The following GALNT18 variants were observed in gnomAD, a reference collection of about 807,000 sequenced individuals.
GALNT18 encodes GalNAc-transferase 18.
GALNT18 carries 44 observed loss-of-function variants against 69.5 expected under a neutral mutation model. The ratio of observed to expected loss-of-function variants is 0.63; its 90% confidence interval spans 0.50 to 0.81. The LOEUF (loss-of-function observed/expected upper bound fraction) is 0.81. GALNT18 is among the 40% of genes least tolerant of loss of function. The pLI, the probability that GALNT18 is intolerant of heterozygous loss-of-function variation, is 0.00. For synonymous variants in GALNT18, 364 were observed against 318.2 expected (o/e 1.14, Z -1.53); for missense variants, 715 against 810.0 (o/e 0.88, Z 1.42).
At position 11,596,077 on chromosome 11, in the gene GALNT18, G is replaced by A. The variant is rs1432676184; in HGVS notation, c.235+25282C>T. On this transcript the variant is annotated intron_variant, in intron 1 of 10. Transcript: ENST00000227756. This position sits in a 1 kb window ranked among gnomAD's most constrained non-coding sequence, Gnocchi z 4.2. Reference sequence around the variant, plus strand: ...TAGTTTTTGTGGATAGAGTGAGATGGGGGACAACTTTATTCTTAACATGTA... The same window carrying A: ...TAGTTTTTGTGGATAGAGTGAGATGAGGGACAACTTTATTCTTAACATGTA... Among the ~76,000 whole-genome samples the A allele has an allele frequency of 1.3e-5, 2 of 152,052 alleles. No individual in the cohort carries two copies. The highest frequency in any genetic ancestry group is 2.9e-5 in the Non-Finnish European group (2 of 68,010).
chr11:11,294,670 T>G (rs570731582), intron 9 of GALNT18, among the ~76,000 whole-genome samples: 3 of 151,342 alleles, frequency 2.0e-5, no homozygotes, highest in Admixed American at 6.6e-5. Context: ...TTTACAAAAG[T>G]AGGAGTCTCC....
At chr11:11,395,688 A>T (rs916815423) in intron 3 of GALNT18, among the ~76,000 whole-genome samples, 8 of 152,194 alleles carry the variant, frequency 5.3e-5, no homozygotes, top group African/African-American at 1.9e-4. Context: ...GGAGGTAATG[A>T]TGCAAAGAAA....
In GALNT18 at chr11:11,448,895, T is replaced by C; in HGVS notation, c.277A>G (p.Thr93Ala). 1 of 1,604,008 alleles carries C rather than the reference T, an allele frequency of 6.2e-7. No individual in the cohort carries two copies. Reference protein sequence around the residue: ...KPEEAEAEPFTDSSLFAHWGQ... With the variant: ...KPEEAEAEPFADSSLFAHWGQ... ...CAGTGTGCAAACAGAGAGGAGTCTG[T>C]GAAGGGCTCGGCCTCTGCCTCCTCA... Residue 93 changes from threonine to alanine, a missense_variant, in exon 2 of 11, where the codon ACA becomes GCA. Physicochemically the swap from Thr to Ala is moderately conservative, Grantham distance 58 (BLOSUM62 0). Transcript: ENST00000227756.
Position 11,377,355 on chromosome 11 carries a change from G to A in GALNT18, c.804C>T (p.Ile268=), listed in dbSNP as rs1461056236. The change falls in exon 5 of 11, where the codon ATC becomes ATT. Residue 268 remains isoleucine (I), a synonymous_variant. Coordinates refer to ENST00000227756, the MANE Select transcript of GALNT18 (RefSeq NM_198516.3). The surrounding 1 kb of genome is among the most constrained non-coding windows in gnomAD (Gnocchi z 4.6). ...AGATGATCCGCTTCCGGTTCTCCTT[G>A]ATGCGGGTGAGTACAGGTTCAGCCC... ...VGWAEPVLTR[I]KENRKRIISP... is the part of the protein sequence containing the mutation. The A allele has an allele frequency of 6.2e-7, 1 of 1,613,906 alleles. No homozygotes were observed. The highest frequency in any genetic ancestry group is 8.5e-7 in the Non-Finnish European group (1 of 1,180,008).
At position 11,546,220 on chromosome 11, in the gene GALNT18, A is replaced by AG. The variant is rs1378962859; in HGVS notation, c.235+75138dup. On this transcript the variant is annotated intron_variant, in intron 1 of 10. Coordinates refer to ENST00000227756, the MANE Select transcript of GALNT18 (RefSeq NM_198516.3). The surrounding 1 kb of genome is among the most constrained non-coding windows in gnomAD (Gnocchi z 5.8). ...ATCATAGTTGGAAGATAGGGTACAC[A>AG]GGGAGGAGACCCAACCATCCCATCT... Among the ~76,000 whole-genome samples, 1 of 152,164 alleles carries AG rather than the reference A, an allele frequency of 6.6e-6. No homozygotes were observed. Among genetic ancestry groups the AG allele is most frequent in the African/African-American group, 2.4e-5 (1 of 41,430 alleles).
At chr11:11,535,522 G>A (rs1857753950) in intron 1 of GALNT18, among the ~76,000 whole-genome samples, 1 of 152,186 alleles carries the variant, frequency 6.6e-6, no homozygotes, top group Non-Finnish European at 1.5e-5. Context: ...TCCTAGGGCT[G>A]ACTCCTGGTT....
In GALNT18 at chr11:11,421,084, C is replaced by T. The variant is rs771416241; in HGVS notation, c.595+11537G>A. On this transcript the variant is annotated intron_variant, in intron 3 of 10. Coordinates refer to ENST00000227756, the MANE Select transcript of GALNT18 (RefSeq NM_198516.3). This position sits in a 1 kb window ranked among gnomAD's most constrained non-coding sequence, Gnocchi z 5.6. ...TGCCCTCCCAGGTGCTGTCCTTCGT[C>T]AGCAGGGTAGCATGCTGGGGAGTTC... 7.2e-5 allele frequency among the ~76,000 whole-genome samples: 11 copies of T among 152,166 alleles called. No homozygotes were observed. The highest frequency in any genetic ancestry group is 1.2e-4 in the Non-Finnish European group (8 of 68,034).
Position 11,328,392 on chromosome 11 carries a change from A to C in GALNT18, c.1417-1211T>G, listed in dbSNP as rs11021805. 1.2e-3 allele frequency among the ~76,000 whole-genome samples: 188 copies of C among 152,296 alleles called. 2 individuals are homozygous for C. Among genetic ancestry groups the C allele is most frequent in the East Asian group, 6.9e-3 (36 of 5,182 alleles). Reference sequence around the variant, plus strand: ...TCCAGGGAAGACAAGGAAAGAGGCCACAGGGAGGCTATCTATCTGCGGGGA... The same window carrying C: ...TCCAGGGAAGACAAGGAAAGAGGCCCCAGGGAGGCTATCTATCTGCGGGGA... On this transcript the variant is annotated intron_variant, in intron 8 of 10. Coordinates refer to ENST00000227756, the MANE Select transcript of GALNT18 (RefSeq NM_198516.3).
In GALNT18 at chr11:11,604,617, G is replaced by A. The variant is rs550914838; in HGVS notation, c.235+16742C>T. The stretch of plus-strand genomic sequence containing the variant: ...GATCAGAATGCAGCCTTAGCAACCA[G>A]AATGCAGAGCACCATTTCAGAGCTT... On this transcript the variant is annotated intron_variant, in intron 1 of 10. Coordinates refer to ENST00000227756, the MANE Select transcript of GALNT18 (RefSeq NM_198516.3). This position sits in a 1 kb window ranked among gnomAD's most constrained non-coding sequence, Gnocchi z 5.6. Among the ~76,000 whole-genome samples the A allele has an allele frequency of 1.3e-5, 2 of 152,322 alleles. No homozygotes were observed. Among genetic ancestry groups the A allele is most frequent in the Admixed American group, 1.3e-4 (2 of 15,300 alleles).
intron 6 of GALNT18, among the ~76,000 whole-genome samples, chr11:11,348,914 C>T (rs539600390): frequency 6.6e-6 from 1 of 152,286 alleles, no homozygotes; most frequent in East Asian, 1.9e-4. Flanking sequence ...ACACATAGTA[C>T]AAAGAACAAC....
chr11:11,503,682 G>A (rs555659520), intron 1 of GALNT18, among the ~76,000 whole-genome samples: 8 of 152,236 alleles, frequency 5.3e-5, no homozygotes, highest in Non-Finnish European at 1.0e-4. Flanking sequence ...CTACTACAGT[G>A]CCACAGTATT....
intron 1 of GALNT18, among the ~76,000 whole-genome samples, chr11:11,501,474 T>C (rs1182783101): frequency 6.6e-6 from 1 of 152,186 alleles, no homozygotes; most frequent in African/African-American, 2.4e-5. Flanking sequence ...TCAGAGGTGA[T>C]TCATTGAGTT....
chr11:11,421,778 C>T lies in GALNT18; in HGVS notation c.595+10843G>A, dbSNP rs753708072. On this transcript the variant is annotated intron_variant, in intron 3 of 10. Coordinates refer to ENST00000227756, the MANE Select transcript of GALNT18 (RefSeq NM_198516.3). The surrounding 1 kb of genome is among the most constrained non-coding windows in gnomAD (Gnocchi z 5.6). ...TCTCTGCAGAGGTCAGGACTGGCCA[C>T]GCTGCTAGCACACAGCATCTTGATG... Among the ~76,000 whole-genome samples, 13 of 152,150 alleles carry T rather than the reference C, an allele frequency of 8.5e-5. No individual in the cohort carries two copies. Among genetic ancestry groups the T allele is most frequent in the East Asian group, 1.9e-4 (1 of 5,188 alleles).
chr11:11,290,340 G>T (rs901642454), intron 10 of GALNT18, among the ~76,000 whole-genome samples: 39 of 152,256 alleles, frequency 2.6e-4, no homozygotes, highest in African/African-American at 8.9e-4. Flanking sequence ...TCCTTTTCTA[G>T]AATCTCTCCT....
intron 1 of GALNT18, among the ~76,000 whole-genome samples, chr11:11,528,620 A>G (rs896723989): frequency 3.3e-5 from 5 of 152,230 alleles, no homozygotes; most frequent in African/African-American, 1.2e-4. Context: ...CCTGACAAGC[A>G]TGTGGATGAT....
At chr11:11,326,063 GA>G (rs1849912533) in intron 9 of GALNT18, among the ~76,000 whole-genome samples, 3 of 43,630 alleles carry the variant, frequency 6.9e-5, no homozygotes, top group Admixed American at 2.6e-4. Context: ...TTTTTTTTTT[GA>G]GACGGAATCT....
At position 11,444,590 on chromosome 11, in the gene GALNT18, G is replaced by A. The variant is rs1855605576; in HGVS notation, c.428+4154C>T. On this transcript the variant is annotated intron_variant, in intron 2 of 10. Transcript: ENST00000227756. The surrounding 1 kb of genome is among the most constrained non-coding windows in gnomAD (Gnocchi z 4.4). The stretch of plus-strand genomic sequence containing the variant: ...GTCCTGTCTTGTCTATAAGGCACTG[G>A]CACAGCATGGTCCTATCTCAGCCAC... Among the ~76,000 whole-genome samples the A allele has an allele frequency of 6.6e-6, 1 of 152,150 alleles. No homozygotes were observed. The highest frequency in any genetic ancestry group is 2.1e-4 in the South Asian group (1 of 4,822).
rs540817062 is a variant in GALNT18 at position 11,613,531 on chromosome 11, C to T, written c.235+7828G>A. The stretch of plus-strand genomic sequence containing the variant: ...GTGTTAGGAGGTGCATCCTCCTAGC[C>T]CTGCCCTAGGGCACATGCCTTGTAT... On this transcript the variant is annotated intron_variant, in intron 1 of 10. Coordinates refer to ENST00000227756, the MANE Select transcript of GALNT18 (RefSeq NM_198516.3). This position sits in a 1 kb window ranked among gnomAD's most constrained non-coding sequence, Gnocchi z 4.2. Among the ~76,000 whole-genome samples, 70 of 152,174 alleles carry T rather than the reference C, an allele frequency of 4.6e-4. No individual in the cohort carries two copies. The highest frequency in any genetic ancestry group is 8.4e-4 in the Non-Finnish European group (57 of 68,026).
chr11:11,341,086 A>C lies in GALNT18; in HGVS notation c.1093-82T>G, dbSNP rs79582300. On this transcript the variant is annotated intron_variant, in intron 6 of 10. Coordinates refer to ENST00000227756, the MANE Select transcript of GALNT18 (RefSeq NM_198516.3). This position sits in a 1 kb window ranked among gnomAD's most constrained non-coding sequence, Gnocchi z 6.3. ...AGGCCTCAGGCAGCCACTTGACATGAGCAGGAAGAAAGTCAGCCCCTTCAC... is the reference window on the plus strand; with the variant it reads ...AGGCCTCAGGCAGCCACTTGACATGCGCAGGAAGAAAGTCAGCCCCTTCAC... 2,072 of 1,377,032 alleles carry C rather than the reference A, an allele frequency of 1.5e-3. 29 individuals carry two copies. The African/African-American group carries it at 0.027, about 18-fold the overall frequency. The allele number at this position is 1,377,032 out of a possible 1,614,324, so 85.3% of individuals were successfully genotyped here. A position where few individuals can be genotyped will look rare whatever the true frequency, so the allele number is the denominator to read the frequency against.
Sources: allele counts gnomAD v4.1 joint callset (sites outside exome capture counted in the v4.1 genomes callset), GRCh38; gene constraint gnomAD v4.1.1; non-coding constraint Gnocchi (gnomAD v3.1); transcripts MANE v1.5; gene names NCBI Gene and HGNC (gene_info 2026-07-23, HGNC 2026-07-21).